Variants in STK3 observed in about 807,000 individuals in gnomAD.
STK3 encodes the protein serine/threonine-protein kinase 3.
Under a neutral mutation model 58.0 loss-of-function variants are expected in STK3, and 41 were observed. That is an observed-to-expected ratio of 0.71 (90% CI 0.55 to 0.92). The LOEUF is 0.92. Among genes scored for constraint, STK3 ranks in the 40% least tolerant of loss-of-function variants. STK3 has a pLI of 0.00. For synonymous variants in STK3, 170 were observed against 191.0 expected (o/e 0.89, Z 0.91); for missense variants, 479 against 602.7 (o/e 0.79, Z 2.15).
At chr8:98,649,062 A>C (rs1820652399) in intron 6 of STK3, among the ~76,000 whole-genome samples, 1 of 152,006 alleles carries the variant, frequency 6.6e-6, no homozygotes, top group African/African-American at 2.4e-5. Context: ...GTCTCAAAAA[A>C]AAAAAAAAAA....
At chr8:98,546,914 G>C (rs1810744067) in intron 9 of STK3, among the ~76,000 whole-genome samples, 1 of 152,118 alleles carries the variant, frequency 6.6e-6, no homozygotes, top group Non-Finnish European at 1.5e-5. Flanking sequence ...CACAGAACTA[G>C]GGAATGTGAA....
chr8:98,875,014 A>C (rs913228718), intron 3 of STK3, among the ~76,000 whole-genome samples: 4 of 152,200 alleles, frequency 2.6e-5, no homozygotes, highest in Non-Finnish European at 4.4e-5. Context: ...AATACATGAC[A>C]ACTATCCATT....
intron 6 of STK3, among the ~76,000 whole-genome samples, chr8:98,686,707 A>G (rs1824025061): frequency 6.6e-6 from 1 of 152,152 alleles, no homozygotes; most frequent in African/African-American, 2.4e-5. Context: ...CTAAGATTTG[A>G]AAGACGGCAC....
chr8:98,364,240 C>T, the STK3 span, among the ~76,000 whole-genome samples: 2 of 152,188 alleles, frequency 1.3e-5, no homozygotes, highest in Non-Finnish European at 2.9e-5. Flanking sequence ...ACATACAGCG[C>T]CTCTCACTCC....
intron 1 of STK3, among the ~76,000 whole-genome samples, chr8:98,440,246 G>A (rs1014302953): frequency 2.0e-5 from 3 of 152,156 alleles, no homozygotes; most frequent in African/African-American, 7.2e-5. Flanking sequence ...TGAGAGCCCC[G>A]GACACAGGCA....
intron 10 of STK3, among the ~76,000 whole-genome samples, chr8:98,506,513 C>T (rs1002701871): frequency 6.6e-6 from 1 of 152,070 alleles, no homozygotes; most frequent in African/African-American, 2.4e-5. Context: ...CGGAGCTGTT[C>T]CTATTTGGCC....
intron 3 of STK3, among the ~76,000 whole-genome samples, chr8:98,752,380 T>C (rs914747938): frequency 2.0e-5 from 3 of 152,234 alleles, no homozygotes; most frequent in Non-Finnish European, 2.9e-5. Context: ...TAAATGGTGC[T>C]GGGATAACCA....
chr8:98,851,963 T>A (rs900266265), intron 3 of STK3, among the ~76,000 whole-genome samples: 1 of 151,986 alleles, frequency 6.6e-6, no homozygotes. Context: ...ACTCCAGCCT[T>A]GGAAACAGAG....
At chr8:98,503,651 C>T (rs1244850175) in intron 10 of STK3, among the ~76,000 whole-genome samples, 13 of 152,104 alleles carry the variant, frequency 8.5e-5, no homozygotes, top group Non-Finnish European at 4.4e-5. Flanking sequence ...GCCTTCATTT[C>T]GTTATGTACC....
intron 10 of STK3, among the ~76,000 whole-genome samples, chr8:98,502,644 T>G (rs1823703987): frequency 6.6e-6 from 1 of 152,218 alleles, no homozygotes; most frequent in South Asian, 2.1e-4. Context: ...ACGCCTTTTC[T>G]GCATCTATTG....
chr8:98,576,774 C>T (rs555773009), intron 8 of STK3, among the ~76,000 whole-genome samples: 1 of 152,290 alleles, frequency 6.6e-6, no homozygotes, highest in African/African-American at 2.4e-5. Flanking sequence ...CTAGCTCTAG[C>T]AGATTTAGAT....
chr8:98,741,251 G>A (rs565048861), intron 4 of STK3, among the ~76,000 whole-genome samples: 1 of 152,300 alleles, frequency 6.6e-6, no homozygotes, highest in African/African-American at 2.4e-5. Context: ...GGACCTAATA[G>A]ACATCTACAG....
At chr8:98,637,895 A>AAATATTC (rs1819734321) in intron 6 of STK3, among the ~76,000 whole-genome samples, 1 of 152,184 alleles carries the variant, frequency 6.6e-6, no homozygotes, top group Non-Finnish European at 1.5e-5. Context: ...TAAGTAATAG[A>AAATATTC]AATATTCATA....
intron 1 of STK3, among the ~76,000 whole-genome samples, chr8:98,919,573 T>C (rs577520171): frequency 1.3e-5 from 2 of 152,226 alleles, no homozygotes; most frequent in Non-Finnish European, 2.9e-5. Context: ...ATGGGTGATG[T>C]ATCCATTTGT....
At chr8:98,854,115 G>A (rs1265006241) in intron 3 of STK3, among the ~76,000 whole-genome samples, 3 of 152,020 alleles carry the variant, frequency 2.0e-5, no homozygotes, top group African/African-American at 7.2e-5. Context: ...GATTGGAAAG[G>A]AAGAAGTAAA....
intron 3 of STK3, among the ~76,000 whole-genome samples, chr8:98,838,973 T>TTTTG (rs899352226): frequency 2.1e-4 from 31 of 147,142 alleles, no homozygotes; most frequent in African/African-American, 7.0e-4. Flanking sequence ...TTTGTTTTTG[T>TTTTG]TTTGTTTGTT....
chr8:98,572,757 A>G (rs1049039645), intron 8 of STK3, among the ~76,000 whole-genome samples: 6 of 152,204 alleles, frequency 3.9e-5, no homozygotes, highest in Non-Finnish European at 8.8e-5. Flanking sequence ...AGATAAAATA[A>G]CCTCAAAATG....
At chr8:98,829,851 G>A (rs1835460965), upstream of STK3, among the ~76,000 whole-genome samples, 1 of 152,108 alleles carries the variant, frequency 6.6e-6, no homozygotes, top group African/African-American at 2.4e-5. Context: ...AACATAATAA[G>A]ATAAAAAAGT....
rs73699915 is a variant in STK3 at position 98,661,623 on chromosome 8, C to T, written c.684+44844G>A. 1.5e-3 allele frequency among the ~76,000 whole-genome samples: 230 copies of T among 152,150 alleles called. 1 individual carries two copies. Among genetic ancestry groups the T allele is most frequent in the African/African-American group, 5.3e-3 (220 of 41,524 alleles). Reference sequence around the variant, plus strand: ...TTTTCAAGTGGCCTCCCATAATCTTCGGGGAGGAAAAATTTAAATTCCCAA... The same window carrying T: ...TTTTCAAGTGGCCTCCCATAATCTTTGGGGAGGAAAAATTTAAATTCCCAA... On this transcript the variant is annotated intron_variant, in intron 6 of 10. Coordinates refer to ENST00000419617, the MANE Select transcript of STK3 (RefSeq NM_006281.4).
Sources: gnomAD v4.1 joint callset for allele counts (sites outside exome capture counted in the v4.1 genomes callset) on GRCh38, gnomAD v4.1.1 for gene constraint, MANE v1.5 for transcripts, NCBI Gene and HGNC (gene_info 2026-07-23, HGNC 2026-07-21) for gene names.